ECPAS: variants seen among roughly 807,000 people sequenced by gnomAD.
ECPAS encodes the protein proteasome adapter and scaffold protein ECM29.
ECPAS carries 70 observed loss-of-function variants against 255.1 expected under a neutral mutation model. That is an observed-to-expected ratio of 0.27 (90% CI 0.23 to 0.33). The LOEUF (loss-of-function observed/expected upper bound fraction) is 0.33. ECPAS is among the 10% of genes least tolerant of loss of function. The probability of loss-of-function intolerance (pLI) is 1.00; values close to 1 mark genes in which losing one functional copy is unlikely to be tolerated. For synonymous variants in ECPAS, 784 were observed against 775.0 expected, an observed-to-expected ratio of 1.01 and a Z score of -0.19; for missense variants, 1,817 against 2,206.4, an observed-to-expected ratio of 0.82 and a Z score of 3.54.
chr9:111,419,790 T>C (rs1404661607), intron 16 of ECPAS, among the ~76,000 whole-genome samples: 1 of 149,746 alleles, frequency 6.7e-6, no homozygotes, highest in Non-Finnish European at 1.5e-5. Context: ...ATTACACATA[T>C]ATATCTACAT....
At chr9:111,431,426 T>C (rs563627936) in intron 8 of ECPAS, among the ~76,000 whole-genome samples, 1 of 151,956 alleles carries the variant, frequency 6.6e-6, no homozygotes, top group African/African-American at 2.4e-5. Flanking sequence ...GGCACGGTGG[T>C]GTGCACCTGT....
chr9:111,465,178 C>G (rs2098277958), intron 2 of ECPAS, among the ~76,000 whole-genome samples: 1 of 151,862 alleles, frequency 6.6e-6, no homozygotes, highest in African/African-American at 2.4e-5. Context: ...AATACAAGAC[C>G]TGAAGCTGAT....
chr9:111,464,424 T>C (rs2098276815), intron 2 of ECPAS, among the ~76,000 whole-genome samples: 1 of 143,384 alleles, frequency 7.0e-6, no homozygotes, highest in South Asian at 2.2e-4. Context: ...AGCAAGATCC[T>C]ATCTCAAAAG....
intron 16 of ECPAS, among the ~76,000 whole-genome samples, chr9:111,419,350 ATAGAT>A (rs1317732312): frequency 2.0e-5 from 3 of 152,198 alleles, no homozygotes; most frequent in Non-Finnish European, 4.4e-5. Context: ...TTATTATGAA[ATAGAT>A]TAGAATGCTG....
chr9:111,399,354 G>T (rs2098172145), intron 24 of ECPAS, among the ~76,000 whole-genome samples: 1 of 152,204 alleles, frequency 6.6e-6, no homozygotes, highest in African/African-American at 2.4e-5. Flanking sequence ...TGACTGAATA[G>T]AGTGGGAAGT....
intron 39 of ECPAS, 140 bp downstream of exon 39, chr9:111,373,832 A>C: frequency 3.2e-6 from 2 of 634,734 alleles, no homozygotes; most frequent in South Asian, 2.1e-5. Context: ...AAAGAAATGA[A>C]GGAGTCAGGG....
chr9:111,457,205 A>T (rs544997271), intron 2 of ECPAS, among the ~76,000 whole-genome samples: 2 of 152,342 alleles, frequency 1.3e-5, no homozygotes, highest in Non-Finnish European at 1.5e-5. Flanking sequence ...TGTACAGGGT[A>T]GAGGAATCAG....
rs919930992 is a variant in ECPAS at position 111,405,698 on chromosome 9, TAAAC to T, written c.2652+2869_2652+2872del. On this transcript the variant is annotated intron_variant, in intron 24 of 49. Coordinates refer to ENST00000684092, the MANE Select transcript of ECPAS (RefSeq NM_001364929.1). ...GTAAGGAATTCAACTCAATAGCAAA[TAAAC>T]AATCTGATTTGAAAAGGGACAAAAG... Among the ~76,000 whole-genome samples the T allele has an allele frequency of 4.9e-4, 74 of 149,610 alleles. 2 individuals carry two copies. Among genetic ancestry groups the T allele is most frequent in the Non-Finnish European group, 8.8e-4 (60 of 67,910 alleles).
chr9:111,476,278 C>T (rs2098296163), intron 1 of ECPAS, among the ~76,000 whole-genome samples: 1 of 152,216 alleles, frequency 6.6e-6, no homozygotes. Context: ...TCAAATGCTT[C>T]CTTCCCTGTT....
chr9:111,483,770 C>A, intron 1 of ECPAS: 1 of 173,870 alleles, frequency 5.8e-6, no homozygotes, highest in South Asian at 1.6e-4. Context: ...AGCCTCGCGC[C>A]TCTGCGGAGC....
chr9:111,470,660 C>T (rs940509746), intron 2 of ECPAS, among the ~76,000 whole-genome samples: 8 of 151,596 alleles, frequency 5.3e-5, no homozygotes, highest in Non-Finnish European at 8.8e-5. Context: ...TCCAGCATAG[C>T]CCAAAACAAG....
At position 111,369,027 on chromosome 9, in the gene ECPAS, G is replaced by C; in HGVS notation, c.5113+8C>G. The stretch of plus-strand genomic sequence containing the variant: ...TACAGCACTTCAAATGCAGTTTCTG[G>C]TGCTTACGTTGGGTCTCCGCGTTTC... On this transcript the variant is annotated splice_region_variant and intron_variant, in intron 46 of 49. Transcript: ENST00000684092. 1.9e-6 allele frequency: 3 copies of C among 1,541,862 alleles called. No homozygotes were observed. The highest frequency in any genetic ancestry group is 2.6e-6 in the Non-Finnish European group (3 of 1,152,446).
chr9:111,479,330 G>A (rs544688629), intron 1 of ECPAS, among the ~76,000 whole-genome samples: 7 of 152,250 alleles, frequency 4.6e-5, no homozygotes, highest in African/African-American at 1.7e-4. Flanking sequence ...GGGCACAGTG[G>A]CTCACACCTT....
chr9:111,399,775 C>G (rs763607865), intron 24 of ECPAS, among the ~76,000 whole-genome samples: 5 of 152,230 alleles, frequency 3.3e-5, no homozygotes, highest in Non-Finnish European at 7.3e-5. Context: ...TGTGGAAGAG[C>G]ACTTCTAGAC....
At chr9:111,414,291 T>C (rs1003063172) in intron 19 of ECPAS, 138 bp downstream of exon 19, 1 of 735,750 alleles carries the variant, frequency 1.4e-6, no homozygotes, top group African/African-American at 1.8e-5. Flanking sequence ...ATGAATCAGG[T>C]AAGTTTAAAA....
chr9:111,425,753 T>C lies in ECPAS; in HGVS notation c.1126A>G (p.Ile376Val). The C allele has an allele frequency of 6.4e-7, 1 of 1,571,596 alleles. No individual in the cohort carries two copies. Among genetic ancestry groups the C allele is most frequent in the Non-Finnish European group, 8.7e-7 (1 of 1,145,122 alleles). ...TAGTTAAAGACTTACGTTATACAAA[T>C]ATGATGCACAAATTGCAGGGATAAT... ...RTLSLQFVHHICITCPEIKIK... is the reference protein window; with the variant it reads ...RTLSLQFVHHVCITCPEIKIK... The change falls in exon 11 of 50, where the codon ATT becomes GTT. Residue 376 changes from isoleucine to valine, a missense_variant. Coordinates refer to ENST00000684092, the MANE Select transcript of ECPAS (RefSeq NM_001364929.1).
chr9:111,401,220 AG>A (rs2098175506), intron 24 of ECPAS, among the ~76,000 whole-genome samples: 4 of 152,340 alleles, frequency 2.6e-5, no homozygotes, highest in Admixed American at 2.6e-4. Flanking sequence ...ATTTCAATGT[AG>A]GTTCTTTTCT....
intron 21 of ECPAS, 185 bp downstream of exon 21, chr9:111,411,829 C>T: frequency 3.9e-6 from 2 of 507,000 alleles, no homozygotes; most frequent in South Asian, 6.3e-5. Context: ...TCAGACACAG[C>T]ACCCGTATCT....
At chr9:111,444,339 T>C in intron 4 of ECPAS, 39 bp downstream of exon 4, 1 of 1,414,068 alleles carries the variant, frequency 7.1e-7, no homozygotes, top group Non-Finnish European at 9.9e-7. Flanking sequence ...GGAAAGAAAA[T>C]TTGCTGTAAG....
Sources: gnomAD v4.1 joint callset for allele counts (sites outside exome capture counted in the v4.1 genomes callset) on GRCh38, gnomAD v4.1.1 for gene constraint, MANE v1.5 for transcripts, NCBI Gene and HGNC (gene_info 2026-07-23, HGNC 2026-07-21) for gene names.